ARFGEF3: variants seen among roughly 807,000 people sequenced by gnomAD.
The protein encoded by ARFGEF3 is brefeldin A-inhibited guanine nucleotide-exchange protein 3.
A neutral mutation model predicts 221.7 loss-of-function variants in ARFGEF3; 96 were observed. The observed-to-expected ratio is 0.43, with a 90% confidence interval of 0.37 to 0.51. The LOEUF is 0.51. ARFGEF3 is among the 20% of genes least tolerant of loss of function. ARFGEF3 has a pLI of 0.00. For missense variants in ARFGEF3, 2,410 were observed against 2,789.9 expected (o/e 0.86, Z 3.07); for synonymous variants, 1,145 against 1,126.8 (o/e 1.02, Z -0.32).
chr6:138,166,987 A>T (rs1417057129), intron 1 of ARFGEF3, among the ~76,000 whole-genome samples: 2 of 152,140 alleles, frequency 1.3e-5, no homozygotes, highest in Non-Finnish European at 2.9e-5. Flanking sequence ...TCTTTTTGTC[A>T]TCTGCCTTTC....
intron 19 of ARFGEF3, 122 bp downstream of exon 19, chr6:138,292,175 CT>C: frequency 2.4e-6 from 2 of 824,662 alleles, no homozygotes; most frequent in Non-Finnish European, 3.4e-6. Flanking sequence ...TCTCTTCCAT[CT>C]TTTTCAAGCT....
At chr6:138,222,900 A>G (rs926553571) in intron 4 of ARFGEF3, among the ~76,000 whole-genome samples, 5 of 152,064 alleles carry the variant, frequency 3.3e-5, no homozygotes, top group Admixed American at 6.6e-5. Flanking sequence ...TCCAGTGTCT[A>G]TTATACCACT....
At chr6:138,311,214 C>A (rs573277936) in intron 24 of ARFGEF3, among the ~76,000 whole-genome samples, 193 bp from the exon 25 acceptor site, 1 of 152,340 alleles carries the variant, frequency 6.6e-6, no homozygotes, top group South Asian at 2.1e-4. Flanking sequence ...TTAACATGTG[C>A]ACATGCAGCT....
chr6:138,225,881 A>G (rs1402234825), intron 4 of ARFGEF3, among the ~76,000 whole-genome samples: 3 of 152,238 alleles, frequency 2.0e-5, no homozygotes, highest in Admixed American at 2.0e-4. Flanking sequence ...CTGTGAGAAG[A>G]CAGGCTTAAA....
chr6:138,212,353 C>A (rs1052705421), intron 4 of ARFGEF3, among the ~76,000 whole-genome samples: 1 of 152,128 alleles, frequency 6.6e-6, no homozygotes, highest in East Asian at 1.9e-4. Flanking sequence ...CATGGCGAAA[C>A]CACATCTCTA....
intron 2 of ARFGEF3, among the ~76,000 whole-genome samples, chr6:138,183,897 T>A (rs1777129698): frequency 6.6e-6 from 1 of 152,190 alleles, no homozygotes; most frequent in Admixed American, 6.5e-5. Flanking sequence ...ACCTCCCCTG[T>A]GAGTGCTCAG....
rs536040233 is a variant in ARFGEF3 at position 138,335,157 on chromosome 6, T to C, written c.6311T>C (p.Val2104Ala). ...RSGSTGSSLS[V>A]SVRDAEAQIQ... ...GGCTCCACCGGGAGCTCCCTCAGTGTCTCGGTGAGAGACGCAGAAGCACAG... is the reference window on the plus strand; with the variant it reads ...GGCTCCACCGGGAGCTCCCTCAGTGCCTCGGTGAGAGACGCAGAAGCACAG... The change falls in exon 33 of 34, where the codon GTC becomes GCC. Residue 2104 changes from valine to alanine, a missense_variant. Transcript: ENST00000251691. 1.3e-6 allele frequency: 2 copies of C among 1,567,524 alleles called. No individual in the cohort carries two copies. The highest frequency in any genetic ancestry group is 1.4e-5 in the African/African-American group (1 of 73,026).
intron 10 of ARFGEF3, among the ~76,000 whole-genome samples, chr6:138,257,257 G>A (rs1469899389): frequency 1.3e-5 from 2 of 152,092 alleles, no homozygotes; most frequent in African/African-American, 4.8e-5. Context: ...CTTCCCCAGG[G>A]TCCTCCCCTA....
In ARFGEF3 at chr6:138,263,352, C is replaced by T. The variant is rs1778827382; in HGVS notation, c.1869C>T (p.Gly623=). 5.0e-6 allele frequency: 8 copies of T among 1,613,870 alleles called. No individual in the cohort carries two copies. Among genetic ancestry groups the T allele is most frequent in the Non-Finnish European group, 6.8e-6 (8 of 1,179,896 alleles). Residue 623 remains glycine (G), a synonymous_variant, in exon 12 of 34, where the codon GGC becomes GGT. Transcript: ENST00000251691. Reference sequence around the variant, plus strand: ...CTATGGCAGCAGAAAAGGACTCGGGCAGGTCCGACGTGTCAGACATTGGGT... The same window carrying T: ...CTATGGCAGCAGAAAAGGACTCGGGTAGGTCCGACGTGTCAGACATTGGGT... ...QYSMAAEKDS[G]RSDVSDIGSD... is the part of the protein sequence containing the mutation.
At chr6:138,260,119 CGA>C (rs140828142) in intron 10 of ARFGEF3, among the ~76,000 whole-genome samples, 8 of 150,656 alleles carry the variant, frequency 5.3e-5, no homozygotes, top group East Asian at 1.9e-4. Flanking sequence ...AGAGAGGGGG[CGA>C]GAGAGAGAGA....
chr6:138,294,167 C>A, intron 20 of ARFGEF3, 41 bp downstream of exon 20: 1 of 1,602,020 alleles, frequency 6.2e-7, no homozygotes, highest in Non-Finnish European at 8.5e-7. Flanking sequence ...AGGAAGTTAG[C>A]AGGAAACAGC....
chr6:138,308,751 C>G lies in ARFGEF3; in HGVS notation c.3986C>G (p.Ala1329Gly). ...VGDYSMGKGQ[A>G]PVFDVFEAFL... ...CTTCCTCCCTTAGGAAAAGGCCAAGCTCCAGTGTTTGATGTATTTGAAGCT... is the reference window on the plus strand; with the variant it reads ...CTTCCTCCCTTAGGAAAAGGCCAAGGTCCAGTGTTTGATGTATTTGAAGCT... The change falls in exon 24 of 34, where the codon GCT (alanine) becomes GGT (glycine). Residue 1329 changes from alanine (A) to glycine (G), a missense_variant. Physicochemically the swap from Ala to Gly is moderately conservative, Grantham distance 60. Transcript: ENST00000251691. The G allele has an allele frequency of 6.2e-7, 1 of 1,613,994 alleles. No homozygotes were observed. Among genetic ancestry groups the G allele is most frequent in the Non-Finnish European group, 8.5e-7 (1 of 1,179,846 alleles).
intron 2 of ARFGEF3, among the ~76,000 whole-genome samples, chr6:138,201,080 A>G (rs1371212658): frequency 6.6e-6 from 1 of 152,250 alleles, no homozygotes; most frequent in Non-Finnish European, 1.5e-5. Context: ...AATGCTCACC[A>G]TCACTAATCA....
intron 4 of ARFGEF3, 126 bp downstream of exon 4, chr6:138,210,167 C>G (rs1777698551): frequency 1.1e-6 from 1 of 878,166 alleles, no homozygotes; most frequent in Non-Finnish European, 1.7e-6. Context: ...GGAACGGATG[C>G]TTGTTATTCT....
Position 138,334,251 on chromosome 6 carries a change from GCGC to G in ARFGEF3, c.5410_5412del (p.Ala1804del). On this transcript the variant is annotated inframe_deletion, in exon 33 of 34. Transcript: ENST00000251691. This position sits in a 1 kb window ranked among gnomAD's most constrained non-coding sequence, Gnocchi z 5.1. ...CTGAAGAAAGTGTCTGGCATCGGGG[GCGC>G]CGCCAACCTCTACCGCCAGTCTGCG... The G allele has an allele frequency of 6.2e-7, 1 of 1,613,684 alleles. No individual in the cohort carries two copies. The highest frequency in any genetic ancestry group is 8.5e-7 in the Non-Finnish European group (1 of 1,179,828).
chr6:138,282,031 T>C (rs1779204496), intron 14 of ARFGEF3, among the ~76,000 whole-genome samples: 3 of 152,212 alleles, frequency 2.0e-5, no homozygotes. Flanking sequence ...CTCAGCTCAC[T>C]GCAACCTCCA....
chr6:138,250,690 G>A (rs891805150), intron 8 of ARFGEF3, among the ~76,000 whole-genome samples: 3 of 152,192 alleles, frequency 2.0e-5, no homozygotes, highest in Non-Finnish European at 4.4e-5. Flanking sequence ...TTGCCTTCAC[G>A]GCCTGCGGGT....
rs142194690 is a variant in ARFGEF3 at position 138,236,287 on chromosome 6, G to C, written c.421-2222G>C. On this transcript the variant is annotated intron_variant, in intron 5 of 33. Coordinates refer to ENST00000251691, the MANE Select transcript of ARFGEF3 (RefSeq NM_020340.5). ...TAAATTTAAAATGGCAGAGCTTATA[G>C]ATCTTGAAGATCAACAGTTATAAAG... 5.8e-3 allele frequency among the ~76,000 whole-genome samples: 878 copies of C among 152,254 alleles called. 9 individuals carry two copies. The highest frequency in any genetic ancestry group is 0.039 in the South Asian group (187 of 4,828).
At chr6:138,259,670 G>A (rs1285849135) in intron 10 of ARFGEF3, among the ~76,000 whole-genome samples, 1 of 152,186 alleles carries the variant, frequency 6.6e-6, no homozygotes, top group Admixed American at 6.5e-5. Context: ...AGATTATCTT[G>A]GGAGGCCAAG....
Sources: gnomAD v4.1 joint callset for allele counts (sites outside exome capture counted in the v4.1 genomes callset) on GRCh38, gnomAD v4.1.1 for gene constraint, Gnocchi (gnomAD v3.1) non-coding constraint, MANE v1.5 for transcripts, NCBI Gene and HGNC (gene_info 2026-07-23, HGNC 2026-07-21) for gene names.